CPNE8: variants seen among roughly 807,000 people sequenced by gnomAD.
CPNE8 encodes the protein copine 8.
CPNE8 carries 45 observed loss-of-function variants against 81.5 expected under a neutral mutation model. That is an observed-to-expected ratio of 0.55 (90% CI 0.44 to 0.71). The LOEUF is 0.71. CPNE8 is among the 30% of genes least tolerant of loss of function. The pLI is 0.00. For synonymous variants in CPNE8, 252 were observed against 226.3 expected (o/e 1.11, Z -1.02); for missense variants, 594 against 672.1 (o/e 0.88, Z 1.28).
At chr12:38,659,016 A>G (rs1039508564) in intron 19 of CPNE8, among the ~76,000 whole-genome samples, 2 of 152,218 alleles carry the variant, frequency 1.3e-5, no homozygotes, top group African/African-American at 2.4e-5. Context: ...ACCAGCTAAC[A>G]TAATAATGAC....
intron 6 of CPNE8, among the ~76,000 whole-genome samples, chr12:38,790,279 C>A (rs1175004289): frequency 3.3e-5 from 5 of 151,532 alleles, no homozygotes; most frequent in Non-Finnish European, 7.4e-5. Flanking sequence ...TGAGATCCTG[C>A]CATTTAAAAC....
chr12:38,845,942 A>ATACAT (rs1943553007), intron 4 of CPNE8, among the ~76,000 whole-genome samples: 1 of 152,232 alleles, frequency 6.6e-6, no homozygotes, highest in Admixed American at 6.5e-5. Context: ...TACATGCAAA[A>ATACAT]GGTAAAACAA....
intron 13 of CPNE8, among the ~76,000 whole-genome samples, chr12:38,709,373 A>G (rs1592027123): frequency 6.6e-6 from 1 of 152,360 alleles, no homozygotes; most frequent in East Asian, 1.9e-4. Flanking sequence ...CTGGCATCCC[A>G]TGCCCATGAA....
chr12:38,659,221 G>GA lies in CPNE8; in HGVS notation c.1507-5152dup, dbSNP rs146733623. 3.3e-3 allele frequency among the ~76,000 whole-genome samples: 441 copies of GA among 134,456 alleles called. 1 individual carries two copies. Among genetic ancestry groups the GA allele is most frequent in the African/African-American group, 9.3e-3 (291 of 31,418 alleles). 88.2% of individuals were successfully genotyped at this position (134,456 alleles called of 152,430 possible). A position where few individuals can be genotyped will look rare whatever the true frequency, so the allele number is the denominator to read the frequency against. On this transcript the variant is annotated intron_variant, in intron 19 of 19. Coordinates refer to ENST00000331366, the MANE Select transcript of CPNE8 (RefSeq NM_153634.3). The stretch of plus-strand genomic sequence containing the variant: ...GGAAGATCTACCAAGCAAATGGAAA[G>GA]AAAAAAAAAAAAAGCGGGGATTGCA...
chr12:38,675,099 G>C (rs1241303828), intron 18 of CPNE8, among the ~76,000 whole-genome samples: 1 of 152,124 alleles, frequency 6.6e-6, no homozygotes, highest in East Asian at 1.9e-4. Flanking sequence ...AACAAGCCTT[G>C]AGCCTGAATG....
chr12:38,850,315 C>T (rs1943625791), intron 3 of CPNE8, among the ~76,000 whole-genome samples: 1 of 152,112 alleles, frequency 6.6e-6, no homozygotes, highest in Admixed American at 6.5e-5. Flanking sequence ...ATTTTTAACC[C>T]AAACTCACAC....
At chr12:38,882,067 T>G (rs1034402517) in intron 1 of CPNE8, among the ~76,000 whole-genome samples, 1 of 152,138 alleles carries the variant, frequency 6.6e-6, no homozygotes, top group South Asian at 2.1e-4. Context: ...CCCAAACATA[T>G]CAGGTCCAAA....
At chr12:38,906,604 A>G (rs1944575497), upstream of CPNE8, 3 of 985,438 alleles carry the variant, frequency 3.0e-6, no homozygotes, top group Non-Finnish European at 3.6e-6. Flanking sequence ...AAAAGCAGAG[A>G]GGAGTCAGAG....
Position 38,653,704 on chromosome 12 carries a change from A to T in CPNE8, c.*178T>A, listed in dbSNP as rs1043518920. On this transcript the variant is annotated 3_prime_UTR_variant, in exon 20 of 20. Transcript: ENST00000331366. ...AATTTTTTCTGTTGCTCATGCAACA[A>T]CCATATTTACAGTTTTGGTTTAGGA... 1.8e-5 allele frequency: 15 copies of T among 833,942 alleles called. No homozygotes were observed. In the Admixed American group the frequency reaches 4.3e-4, roughly 24 times the overall value. The allele number at this position is 833,942 out of a possible 1,614,324, so 51.7% of individuals were successfully genotyped here.
rs549714108 is a variant in CPNE8, at chr12:38,829,284, C to G, written c.407+95G>C. The G allele has an allele frequency of 4.2e-5, 32 of 753,974 alleles. No homozygotes were observed. The East Asian group carries it at 7.7e-4, about 18-fold the overall frequency. The allele number at this position is 753,974 out of a possible 1,614,324, so 46.7% of individuals were successfully genotyped here. On this transcript the variant is annotated intron_variant, in intron 6 of 19. Transcript: ENST00000331366. Reference sequence around the variant, plus strand: ...AACTCAAACAAGATTTTAAAACCCACTTTTGCTCCACAACCATGCATTCAC... The same window carrying G: ...AACTCAAACAAGATTTTAAAACCCAGTTTTGCTCCACAACCATGCATTCAC...
At chr12:38,850,184 C>T (rs1308966951) in intron 3 of CPNE8, among the ~76,000 whole-genome samples, 1 of 152,200 alleles carries the variant, frequency 6.6e-6, no homozygotes, top group Non-Finnish European at 1.5e-5. Context: ...TCCACCCTCC[C>T]ACTGTTCCTA....
intron 17 of CPNE8, among the ~76,000 whole-genome samples, chr12:38,676,679 A>G (rs1939296859): frequency 6.6e-6 from 1 of 152,180 alleles, no homozygotes; most frequent in Admixed American, 6.5e-5. Context: ...AATATATCAC[A>G]TATCATCACT....
chr12:38,806,555 C>A (rs1942809757), intron 6 of CPNE8, among the ~76,000 whole-genome samples: 1 of 149,930 alleles, frequency 6.7e-6, no homozygotes, highest in Admixed American at 6.6e-5. Context: ...TTCAACAACC[C>A]TTCATGCTAA....
At chr12:38,751,703 T>A (rs529402097) in intron 10 of CPNE8, among the ~76,000 whole-genome samples, 21 of 149,290 alleles carry the variant, frequency 1.4e-4, no homozygotes, top group Non-Finnish European at 2.7e-4. Context: ...GATAAAAAAA[T>A]ATATATATTT....
intron 19 of CPNE8, among the ~76,000 whole-genome samples, chr12:38,659,136 G>A (rs1404004592): frequency 6.6e-6 from 1 of 151,636 alleles, no homozygotes; most frequent in Non-Finnish European, 1.5e-5. Flanking sequence ...TCAGTGTCCT[G>A]TACTCAGGAG....
chr12:38,668,318 G>C (rs1939103400), intron 19 of CPNE8, among the ~76,000 whole-genome samples: 1 of 152,110 alleles, frequency 6.6e-6, no homozygotes. Context: ...AATTATAGTT[G>C]CATAGATCAT....
chr12:38,748,667 A>AT (rs376012133), intron 10 of CPNE8, among the ~76,000 whole-genome samples: 6,402 of 150,864 alleles, frequency 0.042, 357 homozygotes, highest in East Asian at 0.32. Context: ...CGCCCGGCTA[A>AT]TTTTTTTTTG....
At chr12:38,661,959 C>A (rs1591995382) in intron 19 of CPNE8, among the ~76,000 whole-genome samples, 3 of 151,452 alleles carry the variant, frequency 2.0e-5, no homozygotes, top group Admixed American at 6.6e-5. Flanking sequence ...ATACAACATC[C>A]CTTCAGGATA....
At chr12:38,883,524 T>C (rs989140850) in intron 1 of CPNE8, among the ~76,000 whole-genome samples, 8 of 152,178 alleles carry the variant, frequency 5.3e-5, no homozygotes, top group African/African-American at 1.7e-4. Flanking sequence ...AGTAGAGTGA[T>C]TGGGAGCTTG....
Sources: gnomAD v4.1 joint callset for allele counts (sites outside exome capture counted in the v4.1 genomes callset) on GRCh38, gnomAD v4.1.1 for gene constraint, MANE v1.5 for transcripts, NCBI Gene and HGNC (gene_info 2026-07-23, HGNC 2026-07-21) for gene names.